THUMPD2: variants seen among roughly 807,000 people sequenced by gnomAD.
THUMPD2 encodes the protein THUMP domain 2 tRNA and snRNA guanosine methyltransferase, also known as U6 snRNA (guanine-N(2))-methyltransferase THUMPD2.
In THUMPD2, 56 loss-of-function variants were observed where a neutral mutation model predicts 49.4. That is an observed-to-expected ratio of 1.13 (90% CI 0.91 to 1.41). The LOEUF (loss-of-function observed/expected upper bound fraction) is 1.41. Among genes scored for constraint, THUMPD2 ranks in the 40% most tolerant of loss-of-function variants. The pLI is 0.00. For missense variants in THUMPD2, 709 were observed against 594.5 expected, an observed-to-expected ratio of 1.19 and a Z score of -2.00; for synonymous variants, 237 against 205.2, an observed-to-expected ratio of 1.15 and a Z score of -1.32.
chr2:39,738,504 C>T (rs1011116583), intron 9 of THUMPD2, among the ~76,000 whole-genome samples: 2 of 151,738 alleles, frequency 1.3e-5, no homozygotes, highest in East Asian at 3.9e-4. Flanking sequence ...GCAGAGGTTG[C>T]AGTGAGCTGA....
chr2:39,739,594 C>G (rs533653466), intron 9 of THUMPD2, among the ~76,000 whole-genome samples: 1 of 152,192 alleles, frequency 6.6e-6, no homozygotes, highest in Non-Finnish European at 1.5e-5. Context: ...CCTTGCCTGT[C>G]GTATTCACTG....
chr2:39,771,809 C>G (rs1678358343), intron 1 of THUMPD2, among the ~76,000 whole-genome samples, 169 bp from the exon 2 acceptor site: 2 of 152,106 alleles, frequency 1.3e-5, no homozygotes, highest in African/African-American at 4.8e-5. Context: ...TCCTCCTTAT[C>G]CTTATAACCA....
intron 9 of THUMPD2, among the ~76,000 whole-genome samples, chr2:39,741,063 C>T (rs751177789): frequency 3.3e-5 from 5 of 151,942 alleles, no homozygotes; most frequent in African/African-American, 4.8e-5. Flanking sequence ...GCAATGTTTA[C>T]CAAATTGTAT....
At chr2:39,752,941 A>T (rs555034296) in intron 8 of THUMPD2, among the ~76,000 whole-genome samples, 1 of 152,264 alleles carries the variant, frequency 6.6e-6, no homozygotes, top group African/African-American at 2.4e-5. Flanking sequence ...GTGCATGCCC[A>T]ACCACTCATG....
intron 1 of THUMPD2, among the ~76,000 whole-genome samples, chr2:39,776,686 A>C (rs71404251): frequency 6.6e-6 from 1 of 152,112 alleles, no homozygotes; most frequent in East Asian, 1.9e-4. Flanking sequence ...CCACTATACC[A>C]GGCTGGATTC....
intron 1 of THUMPD2, among the ~76,000 whole-genome samples, chr2:39,778,255 T>A (rs1000526458): frequency 6.6e-6 from 1 of 152,252 alleles, no homozygotes; most frequent in Non-Finnish European, 1.5e-5. Context: ...TGATGCTTTT[T>A]AAGATTAGCT....
At chr2:39,751,680 GA>G (rs1321063794) in intron 8 of THUMPD2, among the ~76,000 whole-genome samples, 2 of 111,912 alleles carry the variant, frequency 1.8e-5, no homozygotes. Context: ...CATATTAAAA[GA>G]TTTTTTTTTT....
intron 5 of THUMPD2, 69 bp from the exon 6 acceptor site, chr2:39,761,487 G>T: frequency 1.5e-6 from 2 of 1,371,982 alleles, no homozygotes; most frequent in Non-Finnish European, 2.1e-6. Context: ...TGATTTACCT[G>T]TCCAAATCTG....
intron 5 of THUMPD2, among the ~76,000 whole-genome samples, chr2:39,763,864 C>A (rs1429821085): frequency 6.6e-6 from 1 of 152,130 alleles, no homozygotes; most frequent in African/African-American, 2.4e-5. Flanking sequence ...ACCTGCCATC[C>A]CCCATGTAAA....
chr2:39,746,410 T>C (rs945501894), intron 8 of THUMPD2, among the ~76,000 whole-genome samples: 1 of 152,190 alleles, frequency 6.6e-6, no homozygotes, highest in African/African-American at 2.4e-5. Context: ...AACAGATTGT[T>C]GTCCCCATCT....
intron 9 of THUMPD2, among the ~76,000 whole-genome samples, chr2:39,742,740 A>G (rs971183601): frequency 2.6e-5 from 4 of 152,232 alleles, no homozygotes; most frequent in African/African-American, 9.6e-5. Flanking sequence ...GGAGTGTTTA[A>G]GAACTACCAA....
intron 5 of THUMPD2, among the ~76,000 whole-genome samples, chr2:39,764,776 A>G (rs1177828985): frequency 6.6e-6 from 1 of 152,146 alleles, no homozygotes; most frequent in East Asian, 1.9e-4. Flanking sequence ...CTCATCACTG[A>G]GACTGCTTCC....
intron 9 of THUMPD2, among the ~76,000 whole-genome samples, chr2:39,739,009 G>C (rs17537453): frequency 0.017 from 2,659 of 152,252 alleles, 40 homozygotes; most frequent in Non-Finnish European, 0.029. Context: ...AGCAAAGCTA[G>C]ACAATTCTGT....
At chr2:39,755,758 G>GTAT (rs1553364857) in intron 7 of THUMPD2, 131 bp downstream of exon 7, 5 of 681,516 alleles carry the variant, frequency 7.3e-6, no homozygotes, top group African/African-American at 7.3e-5. Flanking sequence ...CATCTATTTT[G>GTAT]AGTAAATAAT....
At chr2:39,760,360 C>T (rs1676664625) in intron 6 of THUMPD2, among the ~76,000 whole-genome samples, 2 of 151,880 alleles carry the variant, frequency 1.3e-5, no homozygotes, top group South Asian at 4.1e-4. Context: ...AGAGTAGAGT[C>T]ATATATATTT....
At chr2:39,749,400 A>G (rs898951847) in intron 8 of THUMPD2, among the ~76,000 whole-genome samples, 4 of 152,246 alleles carry the variant, frequency 2.6e-5, no homozygotes, top group Non-Finnish European at 4.4e-5. Context: ...AAGCCAGCAC[A>G]TTAACAGTAC....
intron 9 of THUMPD2, among the ~76,000 whole-genome samples, 173 bp downstream of exon 9, chr2:39,744,197 T>C (rs553586711): frequency 3.3e-5 from 5 of 152,286 alleles, no homozygotes; most frequent in South Asian, 4.1e-4. Context: ...TAAGATGATA[T>C]GGATAACATT....
intron 8 of THUMPD2, among the ~76,000 whole-genome samples, chr2:39,751,473 A>T (rs1675387810): frequency 6.6e-6 from 1 of 152,198 alleles, no homozygotes; most frequent in African/African-American, 2.4e-5. Context: ...ATTTTAATTA[A>T]ATCATAAATG....
intron 6 of THUMPD2, among the ~76,000 whole-genome samples, chr2:39,759,018 CTG>C (rs1296766244): frequency 6.6e-6 from 1 of 152,050 alleles, no homozygotes; most frequent in Non-Finnish European, 1.5e-5. Context: ...GAGCATGTCT[CTG>C]TGACTCTTGT....
Sources: allele counts gnomAD v4.1 joint callset (sites outside exome capture counted in the v4.1 genomes callset), GRCh38; gene constraint gnomAD v4.1.1; transcripts MANE v1.5; gene names NCBI Gene and HGNC (gene_info 2026-07-23, HGNC 2026-07-21).